The following CCL17 variants were observed in gnomAD, a reference collection of about 807,000 sequenced individuals.
The protein encoded by CCL17 is C-C motif chemokine 17.
Under a neutral mutation model 7.4 loss-of-function variants are expected in CCL17, and 8 were observed. The observed-to-expected ratio is 1.09, with a 90% CI of 0.64 to 1.96. The LOEUF is 1.96. Among genes scored for constraint, CCL17 ranks in the 30% most tolerant of loss-of-function variants. CCL17 has a pLI of 0.00. For synonymous variants in CCL17, 40 were observed against 46.1 expected, an observed-to-expected ratio of 0.87 and a Z score of 0.54; for missense variants, 102 against 113.0, an observed-to-expected ratio of 0.90 and a Z score of 0.44.
At chr16:57,398,651 T>C in the CCL17 span, among the ~76,000 whole-genome samples, 1 of 152,364 alleles carries the variant, frequency 6.6e-6, no homozygotes, top group South Asian at 2.1e-4. Flanking sequence ...CATTCTTTGC[T>C]GAGGGCCCTG....
chr16:57,400,209 A>T (rs1236954690), upstream of CCL17, among the ~76,000 whole-genome samples: 2 of 152,118 alleles, frequency 1.3e-5, no homozygotes, highest in Non-Finnish European at 2.9e-5. Flanking sequence ...AATACAAAAA[A>T]TTAGCTGGGA....
upstream of CCL17, among the ~76,000 whole-genome samples, chr16:57,401,795 A>G (rs1567560311): frequency 6.6e-6 from 1 of 152,090 alleles, no homozygotes; most frequent in Non-Finnish European, 1.5e-5. Flanking sequence ...GGTTGATTTT[A>G]CTTTCAATCA....
At chr16:57,412,365 T>C (rs1444731339) in intron 1 of CCL17, among the ~76,000 whole-genome samples, 1 of 152,304 alleles carries the variant, frequency 6.6e-6, no homozygotes, top group African/African-American at 2.4e-5. Flanking sequence ...CGAGGGTCTT[T>C]GTCTGGTTTC....
At chr16:57,400,941 C>T (rs1312370672), upstream of CCL17, among the ~76,000 whole-genome samples, 1 of 151,554 alleles carries the variant, frequency 6.6e-6, no homozygotes, top group African/African-American at 2.4e-5. Flanking sequence ...GCACTCCAGC[C>T]TGGGTGACAA....
intron 1 of CCL17, among the ~76,000 whole-genome samples, chr16:57,412,074 G>A (rs1359821082): frequency 6.6e-6 from 1 of 152,238 alleles, no homozygotes; most frequent in Non-Finnish European, 1.5e-5. Flanking sequence ...CAGAGAAGCA[G>A]AGGAATGTTG....
the CCL17 span, among the ~76,000 whole-genome samples, chr16:57,399,719 A>T: frequency 6.6e-6 from 1 of 152,166 alleles, no homozygotes; most frequent in African/African-American, 2.4e-5. Flanking sequence ...AAGTGTTGGT[A>T]TTACAGGCGT....
the CCL17 span, among the ~76,000 whole-genome samples, chr16:57,397,001 C>T: frequency 6.6e-6 from 1 of 152,206 alleles, no homozygotes; most frequent in Non-Finnish European, 1.5e-5. Context: ...TGAATTAGGA[C>T]TTTAACCACT....
chr16:57,403,642 A>C (rs545599904), upstream of CCL17, among the ~76,000 whole-genome samples: 1 of 76,788 alleles, frequency 1.3e-5, no homozygotes, highest in African/African-American at 5.3e-5. Context: ...ATATATTATA[A>C]ATATATATAA....
chr16:57,403,968 G>C (rs1328388206), upstream of CCL17, among the ~76,000 whole-genome samples: 2 of 151,860 alleles, frequency 1.3e-5, no homozygotes, highest in Non-Finnish European at 2.9e-5. Flanking sequence ...AAAAAAGTTT[G>C]AAAAAGGTGA....
chr16:57,404,166 G>A (rs1278011784), upstream of CCL17, among the ~76,000 whole-genome samples: 3 of 152,130 alleles, frequency 2.0e-5, no homozygotes, highest in Admixed American at 6.5e-5. Context: ...CACAGAACTC[G>A]CGGGGCCTCG....
intron 1 of CCL17, among the ~76,000 whole-genome samples, chr16:57,408,188 A>G (rs914492322): frequency 4.0e-5 from 6 of 151,566 alleles, no homozygotes; most frequent in Admixed American, 1.3e-4. Context: ...CAATCCATCT[A>G]TCCATCATCC....
the CCL17 span, among the ~76,000 whole-genome samples, chr16:57,396,922 T>C: frequency 6.6e-6 from 1 of 152,058 alleles, no homozygotes; most frequent in Non-Finnish European, 1.5e-5. Context: ...ATAGGTTAGG[T>C]TGGAAATGTA....
At chr16:57,399,553 C>T in the CCL17 span, among the ~76,000 whole-genome samples, 265 of 152,210 alleles carry the variant, frequency 1.7e-3, 2 homozygotes, top group African/African-American at 5.0e-3. Flanking sequence ...TAGGTTCAAG[C>T]GATTCTTCTG....
intron 1 of CCL17, among the ~76,000 whole-genome samples, chr16:57,407,638 A>G (rs1902716397): frequency 1.3e-5 from 2 of 151,962 alleles, no homozygotes; most frequent in Non-Finnish European, 2.9e-5. Context: ...CTAGCCATAC[A>G]TCTACACATA....
chr16:57,400,711 G>T (rs1188138761), upstream of CCL17, among the ~76,000 whole-genome samples: 2 of 152,306 alleles, frequency 1.3e-5, no homozygotes, highest in Admixed American at 6.5e-5. Flanking sequence ...GCTCATGCCT[G>T]TAATCCCAGC....
rs759909616 is a variant in CCL17 at position 57,415,815 on chromosome 16, G to A, written c.239G>A (p.Arg80Lys). Reference protein sequence around the residue: ...RAICSDPNNKRVKNAVKYLQS... With the variant: ...RAICSDPNNKKVKNAVKYLQS... ...ATCTGTTCGGACCCCAACAACAAGA[G>A]AGTGAAGAATGCAGTTAAATACCTG... is the stretch of plus-strand genomic sequence containing the variant. The change falls in exon 4 of 4, where the codon AGA becomes AAA. Residue 80 changes from arginine to lysine, a missense_variant. Transcript: ENST00000219244. The surrounding 1 kb of genome is among the most constrained non-coding windows in gnomAD (Gnocchi z 4.5). 3.1e-6 allele frequency: 5 copies of A among 1,613,618 alleles called. No homozygotes were observed. Among genetic ancestry groups the A allele is most frequent in the African/African-American group, 1.3e-5 (1 of 74,916 alleles).
At chr16:57,411,175 C>T (rs1421336527) in intron 1 of CCL17, among the ~76,000 whole-genome samples, 1 of 152,206 alleles carries the variant, frequency 6.6e-6, no homozygotes, top group African/African-American at 2.4e-5. Context: ...AGCATCTCCC[C>T]AGTCTATGCC....
At chr16:57,397,900 C>A in the CCL17 span, among the ~76,000 whole-genome samples, 1 of 152,130 alleles carries the variant, frequency 6.6e-6, no homozygotes, top group Admixed American at 6.6e-5. Flanking sequence ...TCCCATTCTC[C>A]GCAAATGAAC....
In CCL17 at chr16:57,415,685, C is replaced by A; in HGVS notation, c.189-80C>A. 1 of 873,684 alleles carries A rather than the reference C, an allele frequency of 1.1e-6. No homozygotes were observed. 54.1% of individuals were successfully genotyped at this position (873,684 alleles called of 1,614,324 possible). A position where few individuals can be genotyped will look rare whatever the true frequency, so the allele number is the denominator to read the frequency against. On this transcript the variant is annotated intron_variant, in intron 3 of 3. Transcript: ENST00000219244. This position sits in a 1 kb window ranked among gnomAD's most constrained non-coding sequence, Gnocchi z 4.5. Reference sequence around the variant, plus strand: ...CCTCTTGGAGCCTTGGAATCCTGGTCAGCACAGGGCGGGCCGTCCCAGGGA... The same window carrying A: ...CCTCTTGGAGCCTTGGAATCCTGGTAAGCACAGGGCGGGCCGTCCCAGGGA...
Sources: gnomAD v4.1 joint callset for allele counts (sites outside exome capture counted in the v4.1 genomes callset) on GRCh38, gnomAD v4.1.1 for gene constraint, Gnocchi (gnomAD v3.1) non-coding constraint, MANE v1.5 for transcripts, NCBI Gene and HGNC (gene_info 2026-07-23, HGNC 2026-07-21) for gene names.